The following VRK2 variants were observed in gnomAD, a reference collection of about 807,000 sequenced individuals.
VRK2 encodes the protein serine/threonine-protein kinase VRK2.
Under a neutral mutation model 57.6 loss-of-function variants are expected in VRK2, and 60 were observed. That is an observed-to-expected ratio of 1.04 (90% CI 0.85 to 1.29). VRK2 has a LOEUF of 1.29. Among genes scored for constraint, VRK2 ranks in the 50% most tolerant of loss-of-function variants. The pLI, the probability that VRK2 is intolerant of heterozygous loss-of-function variation, is 0.00. For missense variants in VRK2, 705 were observed against 588.1 expected (o/e 1.20, Z -2.06); for synonymous variants, 231 against 199.2 (o/e 1.16, Z -1.35).
intron 2 of VRK2, among the ~76,000 whole-genome samples, chr2:58,058,813 A>C (rs1437328998): frequency 6.6e-6 from 1 of 152,066 alleles, no homozygotes; most frequent in African/African-American, 2.4e-5. Flanking sequence ...TTGAGGCCTA[A>C]AGAGGATACG....
At chr2:58,066,586 T>A (rs1258399599) in intron 2 of VRK2, among the ~76,000 whole-genome samples, 1 of 152,190 alleles carries the variant, frequency 6.6e-6, no homozygotes, top group African/African-American at 2.4e-5. Context: ...CCTGGCCTCA[T>A]AAAATGAGTT....
At chr2:58,115,458 T>C (rs1396202767) in intron 7 of VRK2, among the ~76,000 whole-genome samples, 1 of 152,094 alleles carries the variant, frequency 6.6e-6, no homozygotes, top group Admixed American at 6.6e-5. Context: ...TGAGCATAGT[T>C]TGTGATTTTT....
At chr2:58,094,408 T>C (rs1049644814) in intron 7 of VRK2, among the ~76,000 whole-genome samples, 1 of 152,194 alleles carries the variant, frequency 6.6e-6, no homozygotes, top group Non-Finnish European at 1.5e-5. Flanking sequence ...TTCCTAGGTA[T>C]TTTATTCTCT....
intron 4 of VRK2, 56 bp downstream of exon 4, chr2:58,085,006 G>A: frequency 6.8e-7 from 1 of 1,480,558 alleles, no homozygotes; most frequent in South Asian, 1.4e-5. Context: ...TAAAGTGAGT[G>A]TTGATATTTT....
chr2:58,134,495 C>T (rs890140515), intron 9 of VRK2, among the ~76,000 whole-genome samples: 1 of 151,362 alleles, frequency 6.6e-6, no homozygotes, highest in African/African-American at 2.4e-5. Context: ...CCTGTAGTCC[C>T]AGCTACTCGG....
intron 8 of VRK2, among the ~76,000 whole-genome samples, chr2:58,125,451 G>A (rs899543891): frequency 6.6e-6 from 1 of 151,852 alleles, no homozygotes; most frequent in African/African-American, 2.4e-5. Context: ...CACCACCCTC[G>A]GTCTTTGGGG....
chr2:58,095,645 G>A (rs1250209780), intron 7 of VRK2, among the ~76,000 whole-genome samples: 1 of 151,784 alleles, frequency 6.6e-6, no homozygotes, highest in East Asian at 1.9e-4. Flanking sequence ...ATTATTTGTG[G>A]TTCAGAGTGG....
chr2:58,113,137 C>G (rs959457528), intron 7 of VRK2, among the ~76,000 whole-genome samples: 2 of 151,742 alleles, frequency 1.3e-5, no homozygotes, highest in African/African-American at 4.8e-5. Flanking sequence ...GGTGAAACCC[C>G]GTCTCTACTA....
In VRK2 at chr2:57,946,692, T is replaced by C. The variant is rs1671271202; in HGVS notation, c.-439+38853T>C. ...AGACATCAAACAATTAAAATTATTA[T>C]AGACTTGATAAAAACCAGATAATTC... On this transcript the variant is annotated intron_variant, in intron 1 of 15. Coordinates refer to the VRK2 transcript ENST00000417641. Among the ~76,000 whole-genome samples, 2 of 152,172 alleles carry C rather than the reference T, an allele frequency of 1.3e-5. 1 individual carries two copies. Among genetic ancestry groups the C allele is most frequent in the Admixed American group, 1.3e-4 (2 of 15,266 alleles).
intron 1 of VRK2, among the ~76,000 whole-genome samples, chr2:57,978,824 C>T (rs901045975): frequency 6.6e-6 from 1 of 150,468 alleles, no homozygotes; most frequent in African/African-American, 2.5e-5. Context: ...TACAACAGGC[C>T]CTGGTGTATG....
chr2:58,013,844 A>T (rs1440976729), intron 1 of VRK2, among the ~76,000 whole-genome samples: 1 of 137,380 alleles, frequency 7.3e-6, no homozygotes, highest in South Asian at 2.4e-4. Flanking sequence ...GGGCGACAGA[A>T]CGAGACTCCG....
At chr2:58,115,681 T>A (rs1214789649) in intron 7 of VRK2, among the ~76,000 whole-genome samples, 6 of 152,166 alleles carry the variant, frequency 3.9e-5, no homozygotes, top group Admixed American at 3.9e-4. Flanking sequence ...TTGGACATGA[T>A]CAGCAGGGAG....
chr2:58,059,916 G>A (rs995162457), intron 2 of VRK2, among the ~76,000 whole-genome samples: 1 of 151,714 alleles, frequency 6.6e-6, no homozygotes, highest in African/African-American at 2.4e-5. Context: ...ACAGGGATAT[G>A]GGATTATTAA....
intron 7 of VRK2, among the ~76,000 whole-genome samples, chr2:58,111,738 C>G (rs1328149513): frequency 1.3e-5 from 2 of 151,818 alleles, no homozygotes; most frequent in Non-Finnish European, 2.9e-5. Flanking sequence ...GGGTATTACA[C>G]ATATTTACAA....
At chr2:57,909,190 T>A (rs941148540) in intron 1 of VRK2, among the ~76,000 whole-genome samples, 1 of 152,196 alleles carries the variant, frequency 6.6e-6, no homozygotes, top group Admixed American at 6.5e-5. Context: ...TCAGTTTACC[T>A]TCTAACATAA....
In VRK2 at chr2:58,159,535, G is replaced by C. The variant is rs758190931; in HGVS notation, c.1369G>C (p.Val457Leu). The change falls in exon 13 of 13, where the codon GTC becomes CTC. Residue 457 changes from valine to leucine, a missense_variant. Physicochemically the swap from Val to Leu is conservative, Grantham distance 32. Transcript: ENST00000340157. The part of the protein sequence containing the change: ...SPSWYKYTST[V>L]STGITDLESS... ...ATCTTGGTATAAATACACTTCCACAGTCAGCACGGGGATCACAGACTTAGA... is the reference window on the plus strand; with the variant it reads ...ATCTTGGTATAAATACACTTCCACACTCAGCACGGGGATCACAGACTTAGA... 5 of 1,613,742 alleles carry C rather than the reference G, an allele frequency of 3.1e-6. No individual in the cohort carries two copies. Among genetic ancestry groups the C allele is most frequent in the Admixed American group, 1.7e-5 (1 of 59,972 alleles).
intron 1 of VRK2, among the ~76,000 whole-genome samples, chr2:58,004,480 G>A (rs974178247): frequency 3.3e-5 from 5 of 152,082 alleles, no homozygotes; most frequent in Admixed American, 3.3e-4. Context: ...TTTAGCCTGT[G>A]AAACAAATCT....
In VRK2 at chr2:58,123,192, G is replaced by A. The variant is rs750647897; in HGVS notation, c.635G>A (p.Gly212Glu). Residue 212 changes from glycine (G) to glutamate (E), a missense_variant, in exon 8 of 13, where the codon GGG (glycine) becomes GAG (glutamate). Gly to Glu is a moderately conservative substitution (Grantham distance 98, BLOSUM62 -2). Coordinates refer to ENST00000340157, the MANE Select transcript of VRK2 (RefSeq NM_006296.7). ...GAAAATCCTAGAAAAGGCCATAATG[G>A]GACAATAGAGTTTACCAGCTTGGAT... The part of the protein sequence containing the change: ...YQENPRKGHN[G>E]TIEFTSLDAH... 5.1e-5 allele frequency: 81 copies of A among 1,590,990 alleles called. No homozygotes were observed. Among genetic ancestry groups the A allele is most frequent in the Non-Finnish European group, 6.7e-5 (79 of 1,173,964 alleles).
At chr2:57,937,827 C>CTTTTTTTTTTTTTTTTTTTTTT (rs778615422) in intron 1 of VRK2, among the ~76,000 whole-genome samples, 1 of 89,950 alleles carries the variant, frequency 1.1e-5, no homozygotes, top group African/African-American at 4.2e-5. Context: ...GTTTATCTTT[C>CTTTTTTTTTTTTTTTTTTTTTT]TTTTTTTTTT....
Sources: gnomAD v4.1 joint callset for allele counts (sites outside exome capture counted in the v4.1 genomes callset) on GRCh38, gnomAD v4.1.1 for gene constraint, MANE v1.5 for transcripts, NCBI Gene and HGNC (gene_info 2026-07-23, HGNC 2026-07-21) for gene names.